The following ULK4 variants were observed in gnomAD, a reference collection of about 807,000 sequenced individuals.
ULK4 encodes the protein unc-51 like kinase 4.
In ULK4, 133 loss-of-function variants were observed where a neutral mutation model predicts 160.6. The observed-to-expected ratio is 0.83, with a 90% CI of 0.72 to 0.96. The LOEUF (loss-of-function observed/expected upper bound fraction) is 0.96, where lower values mean the gene tolerates loss of function less well. Ranked by LOEUF, ULK4 falls within the 40% of genes least tolerant of loss-of-function variation. The pLI, the probability that ULK4 is intolerant of heterozygous loss-of-function variation, is 0.00. For missense variants in ULK4, 1,580 were observed against 1,499.5 expected, an observed-to-expected ratio of 1.05 and a Z score of -0.89; for synonymous variants, 534 against 539.8, an observed-to-expected ratio of 0.99 and a Z score of 0.15.
At chr3:41,516,957 A>G (rs2643966) in intron 32 of ULK4, among the ~76,000 whole-genome samples, 127,859 of 152,124 alleles carry the variant, frequency 0.84, 55,038 homozygotes, top group Non-Finnish European at 0.94. Flanking sequence ...TACACCTACT[A>G]TGTACCCATA....
rs193159107 is a variant in ULK4, at chr3:41,938,779, G to A, written c.139-582C>T. Among the ~76,000 whole-genome samples the A allele has an allele frequency of 2.8e-4, 42 of 152,206 alleles. 1 individual carries two copies. The highest frequency in any genetic ancestry group is 1.5e-3 in the Admixed American group (23 of 15,272). ...GCAAAAGAATTATTTATAGAAAAAC[G>A]ACCAGAGGATATTCACCAACATAGC... On this transcript the variant is annotated intron_variant, in intron 2 of 36. Transcript: ENST00000301831.
intron 31 of ULK4, among the ~76,000 whole-genome samples, chr3:41,612,385 C>G (rs966392919): frequency 2.0e-5 from 3 of 152,044 alleles, no homozygotes; most frequent in African/African-American, 7.2e-5. Context: ...CTCCCTTCCC[C>G]GGGGTCCACA....
chr3:41,260,143 C>T (rs916438062), intron 35 of ULK4: 3 of 152,228 alleles, frequency 2.0e-5, no homozygotes, highest in African/African-American at 7.2e-5. Flanking sequence ...TTCTCTTCAG[C>T]TGGGGTTTTC....
rs1189107071 is a variant in ULK4 at position 41,896,772 on chromosome 3, C to T, written c.1530+50G>A. On this transcript the variant is annotated intron_variant, in intron 15 of 36. Coordinates refer to ENST00000301831, the MANE Select transcript of ULK4 (RefSeq NM_017886.4). ...TTGTTATTTTAGCACTTGTTTGAGC[C>T]TCTATAAAAACACAAATTAAAATGC... 2.6e-6 allele frequency: 4 copies of T among 1,522,876 alleles called. No homozygotes were observed. The South Asian group carries it at 3.8e-5, about 14-fold the overall frequency. The allele number at this position is 1,522,876 out of a possible 1,614,324, so 94.3% of individuals were successfully genotyped here. A position where few individuals can be genotyped will look rare whatever the true frequency, so the allele number is the denominator to read the frequency against.
intron 17 of ULK4, among the ~76,000 whole-genome samples, chr3:41,856,575 G>GTATA (rs1401141960): frequency 3.8e-5 from 1 of 26,394 alleles, no homozygotes; most frequent in Non-Finnish European, 7.6e-5. Context: ...ATATATATAT[G>GTATA]TGTATATATA....
rs1699123526 is a variant in ULK4 at position 41,919,802 on chromosome 3, T to G, written c.558A>C (p.Thr186=). 1 of 1,613,894 alleles carries G rather than the reference T, an allele frequency of 6.2e-7. No individual in the cohort carries two copies. Among genetic ancestry groups the G allele is most frequent in the Non-Finnish European group, 8.5e-7 (1 of 1,179,828 alleles). The change falls in exon 6 of 37, where the codon ACA becomes ACC. Residue 186 remains threonine (T), a synonymous_variant. Transcript: ENST00000301831. ...CAGCACCCCTCACAACTTCTGGTGC[T>G]GTATATACAGGAGATCCTAAAAGCA... ...KSRVKGSPVY[T]APEVVRGADF...
At position 41,849,861 on chromosome 3, in the gene ULK4, G is replaced by A. The variant is rs532048339; in HGVS notation, c.1657-13890C>T. 1.6e-3 allele frequency among the ~76,000 whole-genome samples: 246 copies of A among 152,106 alleles called. 1 individual carries two copies. Among genetic ancestry groups the A allele is most frequent in the South Asian group, 3.3e-3 (16 of 4,804 alleles). On this transcript the variant is annotated intron_variant, in intron 17 of 36. Coordinates refer to ENST00000301831, the MANE Select transcript of ULK4 (RefSeq NM_017886.4). ...AAGCTCTAGGGTACATGTACACAACGTGCAGGTTTGTTACATATGTATACA... is the reference window on the plus strand; with the variant it reads ...AAGCTCTAGGGTACATGTACACAACATGCAGGTTTGTTACATATGTATACA...
chr3:41,721,362 A>ATATAT (rs1553639902), intron 22 of ULK4, among the ~76,000 whole-genome samples: 80 of 27,962 alleles, frequency 2.9e-3, no homozygotes, highest in Admixed American at 0.013. Flanking sequence ...ATATATATAT[A>ATATAT]TTTTTTTTTT....
chr3:41,679,502 C>A (rs17060166), intron 29 of ULK4, among the ~76,000 whole-genome samples: 9,997 of 152,238 alleles, frequency 0.066, 883 homozygotes, highest in African/African-American at 0.2. Flanking sequence ...TTGTGTAATA[C>A]AAGCTTGAAC....
At chr3:41,540,805 A>G (rs918200722) in intron 32 of ULK4, among the ~76,000 whole-genome samples, 6 of 152,028 alleles carry the variant, frequency 3.9e-5, no homozygotes, top group African/African-American at 1.4e-4. Flanking sequence ...AGCTTTTTTC[A>G]TATGTTTGTT....
At chr3:41,760,572 T>A (rs184821503) in intron 21 of ULK4, among the ~76,000 whole-genome samples, 1 of 152,320 alleles carries the variant, frequency 6.6e-6, no homozygotes, top group East Asian at 1.9e-4. Context: ...ACTGACATGA[T>A]GCAAGTGGAA....
At chr3:41,434,318 T>C (rs1338027900) in intron 34 of ULK4, among the ~76,000 whole-genome samples, 1 of 152,238 alleles carries the variant, frequency 6.6e-6, no homozygotes, top group Non-Finnish European at 1.5e-5. Context: ...AGTGTATTTA[T>C]ATGTACTGAT....
intron 30 of ULK4, among the ~76,000 whole-genome samples, chr3:41,655,136 C>A (rs1339813920): frequency 1.3e-5 from 2 of 151,576 alleles, no homozygotes; most frequent in Non-Finnish European, 2.9e-5. Flanking sequence ...TAGTAAGATG[C>A]CATCTCTACA....
intron 21 of ULK4, chr3:41,766,737 C>G (rs1054127010): frequency 1.3e-5 from 2 of 152,196 alleles, no homozygotes; most frequent in African/African-American, 4.8e-5. Flanking sequence ...TACCTGTATA[C>G]CCTTGACCGA....
intron 35 of ULK4, among the ~76,000 whole-genome samples, chr3:41,353,829 A>G (rs902705513): frequency 2.0e-5 from 3 of 152,022 alleles, no homozygotes; most frequent in Admixed American, 1.3e-4. Flanking sequence ...ACTAGTTAAA[A>G]TAATGCTAGA....
intron 34 of ULK4, among the ~76,000 whole-genome samples, chr3:41,438,524 G>C (rs2083087251): frequency 6.6e-6 from 1 of 152,076 alleles, no homozygotes; most frequent in East Asian, 1.9e-4. Flanking sequence ...GTCAGGAATG[G>C]AACAAACATA....
At chr3:41,408,185 T>A (rs189724599) in intron 34 of ULK4, among the ~76,000 whole-genome samples, 1 of 151,818 alleles carries the variant, frequency 6.6e-6, no homozygotes, top group East Asian at 1.9e-4. Flanking sequence ...TCCCAGCACT[T>A]TGGGAGGCCG....
chr3:41,802,044 T>A (rs1187781874), intron 19 of ULK4, among the ~76,000 whole-genome samples: 1 of 151,728 alleles, frequency 6.6e-6, no homozygotes, highest in Admixed American at 6.6e-5. Flanking sequence ...ACCTACAAAT[T>A]TATGCACAAA....
chr3:41,455,465 AT>A (rs780350527), intron 34 of ULK4, 31 bp downstream of exon 34: 1 of 1,576,570 alleles, frequency 6.3e-7, no homozygotes, highest in Admixed American at 1.8e-5. Context: ...AACTTCAGTA[AT>A]GCCCCAAAAG....
Sources: gnomAD v4.1 joint callset for allele counts (sites outside exome capture counted in the v4.1 genomes callset) on GRCh38, gnomAD v4.1.1 for gene constraint, MANE v1.5 for transcripts, NCBI Gene and HGNC (gene_info 2026-07-23, HGNC 2026-07-21) for gene names.